Variants in HACD3 observed in about 807,000 individuals in gnomAD.
The protein encoded by HACD3 is 3-hydroxyacyl-CoA dehydratase 3.
A neutral mutation model predicts 55.2 loss-of-function variants in HACD3; 30 were observed. The ratio of observed to expected loss-of-function variants is 0.54; its 90% confidence interval spans 0.41 to 0.74. The LOEUF is 0.74. Ranked by LOEUF, HACD3 falls within the 30% of genes least tolerant of loss-of-function variation. The pLI is 0.00. For missense variants in HACD3, 363 were observed against 440.1 expected (o/e 0.82, Z 1.57); for synonymous variants, 141 against 151.7 (o/e 0.93, Z 0.52).
At chr15:65,575,188 G>GGTT (rs1567342220) in intron 10 of HACD3, among the ~76,000 whole-genome samples, 3 of 137,274 alleles carry the variant, frequency 2.2e-5, no homozygotes, top group African/African-American at 2.7e-5. Context: ...GGACTTTTTA[G>GGTT]TTTTTTTTTT....
intron 1 of HACD3, among the ~76,000 whole-genome samples, chr15:65,535,321 T>C (rs575043980): frequency 7.9e-4 from 120 of 152,286 alleles, no homozygotes; most frequent in African/African-American, 2.8e-3. Context: ...ATCACGACTA[T>C]TTAAAGAACA....
chr15:65,536,405 C>G (rs1335880323), intron 1 of HACD3, among the ~76,000 whole-genome samples: 2 of 152,172 alleles, frequency 1.3e-5, no homozygotes, highest in African/African-American at 2.4e-5. Flanking sequence ...TCCTCCATCT[C>G]TCTCCCTCTC....
rs559022245 is a variant in HACD3 at position 65,572,187 on chromosome 15, A to G, written c.881-48A>G. ...TAGGACTGGAAGTTCCTGTCATTAA[A>G]TGTGACTGTTTCATTTGCTTCTAAC... is the stretch of plus-strand genomic sequence containing the variant. On this transcript the variant is annotated intron_variant, in intron 9 of 10. Transcript: ENST00000261875. 7 of 1,603,964 alleles carry G rather than the reference A, an allele frequency of 4.4e-6. No individual in the cohort carries two copies. The African/African-American group carries it at 9.4e-5, about 22-fold the overall frequency.
At chr15:65,569,038 G>C (rs1429549585) in intron 7 of HACD3, among the ~76,000 whole-genome samples, 1 of 151,056 alleles carries the variant, frequency 6.6e-6, no homozygotes, top group Non-Finnish European at 1.5e-5. Context: ...ACAAGGTCAG[G>C]AGATCGAGAC....
rs1201181385 is a variant in HACD3, at chr15:65,530,517, A to G, written c.-115A>G. On this transcript the variant is annotated 5_prime_UTR_variant, in exon 1 of 11. Transcript: ENST00000261875. ...GGGGTATCTCGAGGTGCCGGGTTGC[A>G]GGCGCTCAGGAGCGCTAGGGTTTGA... 2.3e-6 allele frequency: 2 copies of G among 885,056 alleles called. No individual in the cohort carries two copies. The highest frequency in any genetic ancestry group is 3.3e-6 in the Non-Finnish European group (2 of 607,114). 54.8% of individuals were successfully genotyped at this position (885,056 alleles called of 1,614,324 possible). A position where few individuals can be genotyped will look rare whatever the true frequency, so the allele number is the denominator to read the frequency against.
In HACD3 at chr15:65,548,826, G is replaced by A. The variant is rs185094816; in HGVS notation, c.88-2850G>A. Among the ~76,000 whole-genome samples the A allele has an allele frequency of 2.4e-3, 361 of 152,128 alleles. 4 individuals are homozygous for A. Among genetic ancestry groups the A allele is most frequent in the South Asian group, 2.3e-3 (11 of 4,818 alleles). ...AGTGATCTTCCTGCGTAGGCCTCCC[G>A]AAGTGTTGGGATTATAGGCATGAGC... On this transcript the variant is annotated intron_variant, in intron 1 of 10. Transcript: ENST00000261875.
At chr15:65,533,696 T>C (rs1186468780) in intron 1 of HACD3, among the ~76,000 whole-genome samples, 2 of 149,768 alleles carry the variant, frequency 1.3e-5, no homozygotes, top group Admixed American at 6.7e-5. Context: ...GATTGCTCTA[T>C]GCAGGGCCTG....
At chr15:65,562,442 G>A (rs187270699) in intron 5 of HACD3, among the ~76,000 whole-genome samples, 34 of 152,294 alleles carry the variant, frequency 2.2e-4, no homozygotes, top group South Asian at 4.1e-4. Flanking sequence ...GCCAGAAACC[G>A]TTGCCGAAAA....
rs201772953 is a variant in HACD3, at chr15:65,564,368, G to A, written c.660+26G>A. 72 of 1,606,096 alleles carry A rather than the reference G, an allele frequency of 4.5e-5. No homozygotes were observed. In the East Asian group the frequency reaches 1.5e-3, roughly 34 times the overall value. On this transcript the variant is annotated intron_variant, in intron 7 of 10. Transcript: ENST00000261875. The stretch of plus-strand genomic sequence containing the variant: ...GTATTGAATAGTTAAGCTGAAGGGT[G>A]GGTAATGGAAGGTCCCATTATTTGT...
At chr15:65,561,297 T>C (rs1164614784) in intron 5 of HACD3, among the ~76,000 whole-genome samples, 1 of 151,998 alleles carries the variant, frequency 6.6e-6, no homozygotes, top group African/African-American at 2.4e-5. Flanking sequence ...TGAAACCCTG[T>C]CTCTGCTAAA....
intron 1 of HACD3, among the ~76,000 whole-genome samples, chr15:65,545,111 C>T (rs2072062215): frequency 6.6e-6 from 1 of 151,810 alleles, no homozygotes; most frequent in Non-Finnish European, 1.5e-5. Context: ...TTGACCGTAC[C>T]ATTGGATGAA....
intron 1 of HACD3, among the ~76,000 whole-genome samples, chr15:65,545,029 AAAAAG>A (rs1006334446): frequency 2.0e-5 from 3 of 152,084 alleles, no homozygotes; most frequent in African/African-American, 7.2e-5. Flanking sequence ...AAAAAAAAAA[AAAAAG>A]AAAGAAAGAA....
At chr15:65,551,776 G>T (rs878984487) in intron 2 of HACD3, 58 bp downstream of exon 2, 1 of 1,584,332 alleles carries the variant, frequency 6.3e-7, no homozygotes, top group Non-Finnish European at 8.6e-7. Context: ...TGTGGTGGTG[G>T]TTTCCCTTTT....
At chr15:65,560,752 A>G (rs1190287142) in intron 5 of HACD3, among the ~76,000 whole-genome samples, 2 of 148,710 alleles carry the variant, frequency 1.3e-5, no homozygotes, top group East Asian at 2.1e-4. Flanking sequence ...GCAGAGAGCT[A>G]TGGTCCCACC....
At chr15:65,569,309 G>A (rs1274323832) in intron 7 of HACD3, among the ~76,000 whole-genome samples, 1 of 150,698 alleles carries the variant, frequency 6.6e-6, no homozygotes, top group African/African-American at 2.4e-5. Context: ...CTCTGAGTAA[G>A]AAGTAGTCAC....
intron 1 of HACD3, chr15:65,531,277 C>T (rs995653000): frequency 1.8e-4 from 27 of 152,396 alleles, no homozygotes; most frequent in African/African-American, 6.0e-4. Flanking sequence ...ATTCTCATTA[C>T]TTTTAATTTT....
chr15:65,561,274 C>G (rs912487029), intron 5 of HACD3, among the ~76,000 whole-genome samples: 3 of 152,088 alleles, frequency 2.0e-5, no homozygotes, highest in Non-Finnish European at 4.4e-5. Context: ...TAAGACCACC[C>G]TGGCCAACAT....
chr15:65,535,965 C>G (rs1270571312), intron 1 of HACD3: 3 of 421,692 alleles, frequency 7.1e-6, no homozygotes, highest in African/African-American at 6.1e-5. Context: ...CCTGAGGTTA[C>G]AGGCTTGAAC....
In HACD3 at chr15:65,569,933, CACTTT is replaced by C. The variant is rs544692602; in HGVS notation, c.661-153_661-149del. ...GTCTAGTCACAAAGACTGGTTTGGG[CACTTT>C]ACTTGTTCCAGAACTGGAGCAGGAT... is the stretch of plus-strand genomic sequence containing the variant. On this transcript the variant is annotated intron_variant, in intron 7 of 10. Coordinates refer to ENST00000261875, the MANE Select transcript of HACD3 (RefSeq NM_016395.4). 5.5e-3 allele frequency among the ~76,000 whole-genome samples: 832 copies of C among 152,290 alleles called. 6 individuals carry two copies. Among genetic ancestry groups the C allele is most frequent in the African/African-American group, 0.019 (776 of 41,572 alleles).
Sources: allele counts gnomAD v4.1 joint callset (sites outside exome capture counted in the v4.1 genomes callset), GRCh38; gene constraint gnomAD v4.1.1; transcripts MANE v1.5; gene names NCBI Gene and HGNC (gene_info 2026-07-23, HGNC 2026-07-21).